Variants in TMEM117 observed in about 807,000 individuals in gnomAD.
The protein encoded by TMEM117 is transmembrane protein 117.
TMEM117 carries 27 observed loss-of-function variants against 52.4 expected under a neutral mutation model. The observed-to-expected ratio is 0.51, with a 90% CI of 0.38 to 0.71. The LOEUF is 0.71. TMEM117 is among the 30% of genes least tolerant of loss of function. TMEM117 has a pLI of 0.00. For synonymous variants in TMEM117, 215 were observed against 206.3 expected, an observed-to-expected ratio of 1.04 and a Z score of -0.36; for missense variants, 556 against 630.5, an observed-to-expected ratio of 0.88 and a Z score of 1.26.
At chr12:44,361,622 A>G (rs999010740) in intron 6 of TMEM117, among the ~76,000 whole-genome samples, 8 of 152,178 alleles carry the variant, frequency 5.3e-5, no homozygotes, top group African/African-American at 1.9e-4. Flanking sequence ...CGCATCTACT[A>G]TTGTGCTAAG....
At chr12:43,871,795 A>C (rs1436070958) in intron 2 of TMEM117, among the ~76,000 whole-genome samples, 1 of 152,222 alleles carries the variant, frequency 6.6e-6, no homozygotes, top group Admixed American at 6.5e-5. Context: ...ATTATTGAGG[A>C]ACCTTTTTCC....
At chr12:44,289,521 T>G (rs1378501828) in intron 5 of TMEM117, among the ~76,000 whole-genome samples, 1 of 149,404 alleles carries the variant, frequency 6.7e-6, no homozygotes, top group Non-Finnish European at 1.5e-5. Flanking sequence ...ACTAACAATG[T>G]AAAAGAGATC....
intron 2 of TMEM117, among the ~76,000 whole-genome samples, chr12:43,869,564 G>A (rs1393267345): frequency 2.0e-5 from 3 of 152,192 alleles, no homozygotes; most frequent in Non-Finnish European, 4.4e-5. Context: ...TCTGATGGCA[G>A]GAGCAATCAG....
At chr12:43,818,155 C>A in the TMEM117 span, among the ~76,000 whole-genome samples, 1 of 152,114 alleles carries the variant, frequency 6.6e-6, no homozygotes. Context: ...TCTCCATGCA[C>A]GTTAAAACTT....
chr12:44,306,386 C>T (rs1950903449), intron 6 of TMEM117, among the ~76,000 whole-genome samples: 1 of 151,954 alleles, frequency 6.6e-6, no homozygotes, highest in Admixed American at 6.6e-5. Flanking sequence ...ATATGTGTGC[C>T]TATATACATA....
the TMEM117 span, chr12:43,804,408 T>C: frequency 8.2e-6 from 7 of 856,362 alleles, no homozygotes; most frequent in East Asian, 2.7e-5. Flanking sequence ...TAATTAATAG[T>C]TCAAATCACT....
chr12:43,829,264 G>A, the TMEM117 span, among the ~76,000 whole-genome samples: 9 of 152,102 alleles, frequency 5.9e-5, no homozygotes, highest in Non-Finnish European at 1.2e-4. Flanking sequence ...AGCCTTTATG[G>A]TCAGTACAAT....
intron 2 of TMEM117, 44 bp from the exon 3 acceptor site, chr12:43,944,166 T>G: frequency 6.6e-7 from 1 of 1,519,896 alleles, no homozygotes; most frequent in Non-Finnish European, 9.0e-7. Flanking sequence ...CCATGAATTT[T>G]GAGTTACAGT....
At chr12:43,817,428 C>A in the TMEM117 span, among the ~76,000 whole-genome samples, 1 of 152,110 alleles carries the variant, frequency 6.6e-6, no homozygotes, top group Non-Finnish European at 1.5e-5. Context: ...CATTTGGAGT[C>A]CTGAATTGAC....
At chr12:44,301,147 G>C (rs1950834431) in intron 6 of TMEM117, among the ~76,000 whole-genome samples, 4 of 152,112 alleles carry the variant, frequency 2.6e-5, no homozygotes, top group Non-Finnish European at 5.9e-5. Context: ...ATATATTTGA[G>C]AGCATAAATT....
chr12:43,829,239 G>A, the TMEM117 span, among the ~76,000 whole-genome samples: 2 of 152,034 alleles, frequency 1.3e-5, no homozygotes, highest in East Asian at 1.9e-4. Context: ...TTATTTTCCC[G>A]TTTCAGATTT....
At chr12:43,902,071 A>G (rs908503463) in intron 2 of TMEM117, among the ~76,000 whole-genome samples, 2 of 152,244 alleles carry the variant, frequency 1.3e-5, no homozygotes, top group Non-Finnish European at 2.9e-5. Context: ...TGTTTGATCA[A>G]TTGTGCATTC....
chr12:44,254,392 T>C (rs1231981604), intron 5 of TMEM117, among the ~76,000 whole-genome samples: 1 of 151,868 alleles, frequency 6.6e-6, no homozygotes, highest in African/African-American at 2.4e-5. Flanking sequence ...ATATACAAAA[T>C]AAAAACCTCA....
At chr12:44,118,204 A>G (rs1214686352) in intron 3 of TMEM117, among the ~76,000 whole-genome samples, 1 of 152,224 alleles carries the variant, frequency 6.6e-6, no homozygotes, top group Non-Finnish European at 1.5e-5. Context: ...AGAAAGACAA[A>G]TAAATAAAAG....
At chr12:43,857,000 T>G (rs1182567984) in intron 2 of TMEM117, among the ~76,000 whole-genome samples, 1 of 152,228 alleles carries the variant, frequency 6.6e-6, no homozygotes, top group African/African-American at 2.4e-5. Context: ...TTACTTTGTG[T>G]TCCTGTTATG....
intron 5 of TMEM117, among the ~76,000 whole-genome samples, chr12:44,256,719 T>C (rs952502710): frequency 3.8e-4 from 58 of 152,230 alleles, no homozygotes; most frequent in Non-Finnish European, 1.0e-4. Context: ...TCATCTTACT[T>C]GATTTCTGTT....
intron 3 of TMEM117, among the ~76,000 whole-genome samples, chr12:44,106,886 C>T (rs1947964752): frequency 6.6e-6 from 1 of 151,852 alleles, no homozygotes; most frequent in African/African-American, 2.4e-5. Flanking sequence ...ACATATATTT[C>T]CTATGTAAAA....
chr12:43,881,830 C>T (rs1171650118), intron 2 of TMEM117, among the ~76,000 whole-genome samples: 3 of 148,576 alleles, frequency 2.0e-5, no homozygotes, highest in South Asian at 2.2e-4. Flanking sequence ...CACAGTGGCT[C>T]ATGCCTGTAA....
At chr12:44,040,885 C>G (rs1946786559) in intron 3 of TMEM117, among the ~76,000 whole-genome samples, 1 of 152,044 alleles carries the variant, frequency 6.6e-6, no homozygotes, top group Admixed American at 6.6e-5. Flanking sequence ...TGGTCATATA[C>G]TATATAACGA....
Sources: allele counts gnomAD v4.1 joint callset (sites outside exome capture counted in the v4.1 genomes callset), GRCh38; gene constraint gnomAD v4.1.1; transcripts MANE v1.5; gene names NCBI Gene and HGNC (gene_info 2026-07-23, HGNC 2026-07-21).